NXPE4: variants seen among roughly 807,000 people sequenced by gnomAD.
NXPE4 encodes neurexophilin and PC-esterase domain family member 4.
In NXPE4, 42 loss-of-function variants were observed where a neutral mutation model predicts 33.3. The ratio of observed to expected loss-of-function variants is 1.26; its 90% CI spans 0.98 to 1.63. The LOEUF is 1.63. Ranked by LOEUF, NXPE4 falls within the 40% of genes most tolerant of loss-of-function variation. The probability of loss-of-function intolerance (pLI) is 0.00; values close to 1 mark genes in which losing one functional copy is unlikely to be tolerated. For missense variants in NXPE4, 709 were observed against 647.6 expected (o/e 1.09, Z -1.03); for synonymous variants, 253 against 234.9 (o/e 1.08, Z -0.71).
chr11:114,666,732 T>C, the NXPE4 span, among the ~76,000 whole-genome samples: 4 of 152,128 alleles, frequency 2.6e-5, no homozygotes, highest in African/African-American at 9.7e-5. Context: ...CATATGCATG[T>C]GAGAAGCTTT....
the NXPE4 span, among the ~76,000 whole-genome samples, chr11:114,654,111 A>G: frequency 6.6e-6 from 1 of 152,146 alleles, no homozygotes; most frequent in Non-Finnish European, 1.5e-5. Flanking sequence ...GAAGTTGGAA[A>G]GTAGACCCCA....
chr11:114,618,010 C>T, the NXPE4 span, among the ~76,000 whole-genome samples: 3 of 151,906 alleles, frequency 2.0e-5, no homozygotes, highest in African/African-American at 7.3e-5. Context: ...CCAGTGTTAC[C>T]CGCTGGATAA....
the NXPE4 span, among the ~76,000 whole-genome samples, chr11:114,662,352 C>T: frequency 2.0e-5 from 3 of 152,130 alleles, no homozygotes; most frequent in Non-Finnish European, 4.4e-5. Flanking sequence ...TTAAACCAGC[C>T]CTAGCCAGAG....
chr11:114,650,557 C>T, the NXPE4 span, among the ~76,000 whole-genome samples: 1 of 150,432 alleles, frequency 6.6e-6, no homozygotes, highest in East Asian at 2.0e-4. Context: ...TACTGTTCTC[C>T]TTCCCCAGGA....
At chr11:114,589,399 G>A (rs1416890605) in intron 2 of NXPE4, among the ~76,000 whole-genome samples, 1 of 152,060 alleles carries the variant, frequency 6.6e-6, no homozygotes, top group Non-Finnish European at 1.5e-5. Context: ...CTCTATAATC[G>A]AGGCCTCCCC....
chr11:114,570,895 A>G lies in NXPE4; in HGVS notation c.*43T>C. The G allele has an allele frequency of 7.0e-7, 1 of 1,423,144 alleles. No individual in the cohort carries two copies. The highest frequency in any genetic ancestry group is 9.5e-7 in the Non-Finnish European group (1 of 1,051,508). 88.2% of individuals were successfully genotyped at this position (1,423,144 alleles called of 1,614,324 possible). A position where few individuals can be genotyped will look rare whatever the true frequency, so the allele number is the denominator to read the frequency against. On this transcript the variant is annotated 3_prime_UTR_variant, in exon 6 of 6. Coordinates refer to ENST00000375478, the MANE Select transcript of NXPE4 (RefSeq NM_001077639.2). ...CTGGCCTGCTAGTAGACAGTCAATA[A>G]ATTTTTTTACTTAAGTGAATGAATT...
the NXPE4 span, among the ~76,000 whole-genome samples, chr11:114,620,655 C>A: frequency 6.6e-6 from 1 of 151,352 alleles, no homozygotes; most frequent in Non-Finnish European, 1.5e-5. Flanking sequence ...GTGGATTACC[C>A]AGTGGAGAAT....
chr11:114,629,103 A>G, the NXPE4 span, among the ~76,000 whole-genome samples: 3 of 152,058 alleles, frequency 2.0e-5, no homozygotes, highest in Admixed American at 6.6e-5. Flanking sequence ...ACAAGGAGGA[A>G]CTGGTACCAT....
chr11:114,639,866 T>TAAA, the NXPE4 span, among the ~76,000 whole-genome samples: 1 of 44,488 alleles, frequency 2.2e-5, no homozygotes, highest in Non-Finnish European at 3.9e-5. Flanking sequence ...ATATTATATT[T>TAAA]TATATTAAAT....
At chr11:114,639,061 C>T in the NXPE4 span, among the ~76,000 whole-genome samples, 6 of 151,472 alleles carry the variant, frequency 4.0e-5, no homozygotes, top group Admixed American at 3.3e-4. Context: ...CTGTGCCCTG[C>T]CCCCAGAGGT....
At chr11:114,669,186 T>C in the NXPE4 span, among the ~76,000 whole-genome samples, 1 of 152,238 alleles carries the variant, frequency 6.6e-6, no homozygotes, top group East Asian at 1.9e-4. Flanking sequence ...TGATGCACAT[T>C]ATAAAACAAA....
At chr11:114,625,132 A>C in the NXPE4 span, among the ~76,000 whole-genome samples, 1 of 144,348 alleles carries the variant, frequency 6.9e-6, no homozygotes, top group Non-Finnish European at 1.5e-5. Flanking sequence ...ACCACTTCTA[A>C]TGACTGGATA....
chr11:114,640,507 A>G, the NXPE4 span, among the ~76,000 whole-genome samples: 1 of 151,614 alleles, frequency 6.6e-6, no homozygotes, highest in Admixed American at 6.6e-5. Flanking sequence ...GGTAGATCTA[A>G]TTATAGTTCT....
the NXPE4 span, among the ~76,000 whole-genome samples, chr11:114,669,586 C>T: frequency 9.7e-3 from 1,475 of 152,126 alleles, 69 homozygotes; most frequent in Admixed American, 0.086. Context: ...ACTGAGAATA[C>T]CAAGCTCCAA....
At chr11:114,599,885 A>C (rs1192518190), upstream of NXPE4, among the ~76,000 whole-genome samples, 1 of 152,158 alleles carries the variant, frequency 6.6e-6, no homozygotes, top group Non-Finnish European at 1.5e-5. Context: ...TTGGGCAGGG[A>C]CACAGATCCA....
the NXPE4 span, among the ~76,000 whole-genome samples, chr11:114,603,328 T>TA: frequency 5.3e-5 from 8 of 151,390 alleles, no homozygotes; most frequent in East Asian, 1.6e-3. Context: ...GGGTGATAAG[T>TA]ATTGCCTCAT....
chr11:114,583,120 T>A, intron 2 of NXPE4, 99 bp from the exon 3 acceptor site: 1 of 1,268,580 alleles, frequency 7.9e-7, no homozygotes, highest in Non-Finnish European at 1.1e-6. Context: ...AACATGTTCC[T>A]AGTCATTTTT....
At chr11:114,636,398 C>T in the NXPE4 span, among the ~76,000 whole-genome samples, 2 of 151,880 alleles carry the variant, frequency 1.3e-5, no homozygotes, top group African/African-American at 4.8e-5. Flanking sequence ...TTTTGTTGAT[C>T]CTTTCAAAAA....
At chr11:114,633,006 T>C in the NXPE4 span, among the ~76,000 whole-genome samples, 1 of 106,506 alleles carries the variant, frequency 9.4e-6, no homozygotes, top group Non-Finnish European at 1.7e-5. Context: ...TATAATAATA[T>C]ATATTATATA....
Sources: gnomAD v4.1 joint callset for allele counts (sites outside exome capture counted in the v4.1 genomes callset) on GRCh38, gnomAD v4.1.1 for gene constraint, MANE v1.5 for transcripts, NCBI Gene and HGNC (gene_info 2026-07-23, HGNC 2026-07-21) for gene names.